Variants in MACROD2 observed in about 807,000 individuals in gnomAD.
MACROD2 encodes mono-ADP ribosylhydrolase 2.
MACROD2 carries 36 observed loss-of-function variants against 70.4 expected under a neutral mutation model. The ratio of observed to expected loss-of-function variants is 0.51; its 90% CI spans 0.39 to 0.68. The LOEUF (loss-of-function observed/expected upper bound fraction) is 0.68, where lower values mean the gene tolerates loss of function less well. Ranked by LOEUF, MACROD2 falls within the 30% of genes least tolerant of loss-of-function variation. The pLI, the probability that MACROD2 is intolerant of heterozygous loss-of-function variation, is 0.00. For missense variants in MACROD2, 496 were observed against 538.4 expected (o/e 0.92, Z 0.78); for synonymous variants, 172 against 178.8 (o/e 0.96, Z 0.30).
intron 3 of MACROD2, among the ~76,000 whole-genome samples, chr20:14,350,855 C>T (rs920860906): frequency 6.6e-6 from 1 of 152,048 alleles, no homozygotes; most frequent in Non-Finnish European, 1.5e-5. Context: ...TGAAGAGTTT[C>T]CCTTATGAGT....
At chr20:14,731,129 A>T (rs1178904857) in intron 5 of MACROD2, among the ~76,000 whole-genome samples, 1 of 152,112 alleles carries the variant, frequency 6.6e-6, no homozygotes, top group Non-Finnish European at 1.5e-5. Flanking sequence ...CAACAAGAAA[A>T]ATGTAAAAAT....
chr20:15,430,797 A>G (rs2046355036), intron 6 of MACROD2, among the ~76,000 whole-genome samples: 1 of 151,976 alleles, frequency 6.6e-6, no homozygotes. Context: ...AATACTCTTT[A>G]TTATACATTC....
At chr20:14,204,457 G>A (rs1051204372) in intron 3 of MACROD2, among the ~76,000 whole-genome samples, 1 of 143,222 alleles carries the variant, frequency 7.0e-6, no homozygotes, top group African/African-American at 2.6e-5. Context: ...AAATGGTGCT[G>A]TACCATAGCT....
intron 2 of MACROD2, among the ~76,000 whole-genome samples, chr20:14,008,150 C>A (rs2263680): frequency 4.6e-5 from 7 of 152,216 alleles, no homozygotes; most frequent in African/African-American, 1.4e-4. Context: ...TGAGGTAAAG[C>A]GTATTCAGCT....
chr20:15,554,435 A>G (rs2146593834), intron 8 of MACROD2, among the ~76,000 whole-genome samples: 1 of 152,290 alleles, frequency 6.6e-6, no homozygotes, highest in East Asian at 1.9e-4. Flanking sequence ...ATAGCCTTGT[A>G]AATCTGAATG....
At chr20:14,722,838 G>A (rs2071485937) in intron 5 of MACROD2, among the ~76,000 whole-genome samples, 1 of 152,168 alleles carries the variant, frequency 6.6e-6, no homozygotes, top group Admixed American at 6.5e-5. Flanking sequence ...CCATCTCTTT[G>A]AGTGATGTCT....
At chr20:14,550,166 G>A (rs894390756) in intron 4 of MACROD2, among the ~76,000 whole-genome samples, 6 of 151,920 alleles carry the variant, frequency 3.9e-5, no homozygotes, top group Admixed American at 2.0e-4. Context: ...CAGGTGATCC[G>A]CCTGCCTCGG....
At chr20:14,422,571 C>T (rs1394304595) in intron 3 of MACROD2, among the ~76,000 whole-genome samples, 2 of 151,280 alleles carry the variant, frequency 1.3e-5, no homozygotes. Flanking sequence ...CGTTTATATT[C>T]TACAGGTATT....
chr20:14,308,358 C>T (rs1022115105), intron 3 of MACROD2, among the ~76,000 whole-genome samples: 13 of 152,176 alleles, frequency 8.5e-5, no homozygotes, highest in African/African-American at 2.9e-4. Flanking sequence ...ATGAATCTTA[C>T]GTAGCTGAAG....
chr20:15,705,219 G>A (rs2050515582), intron 8 of MACROD2, among the ~76,000 whole-genome samples: 1 of 152,066 alleles, frequency 6.6e-6, no homozygotes, highest in African/African-American at 2.4e-5. Context: ...AAATTAACAT[G>A]ATCAAATTAA....
chr20:14,940,676 G>A (rs1186050506), intron 5 of MACROD2, among the ~76,000 whole-genome samples: 2 of 152,046 alleles, frequency 1.3e-5, no homozygotes. Context: ...CCTTGGTGCT[G>A]TTAATGTGAT....
intron 5 of MACROD2, among the ~76,000 whole-genome samples, chr20:14,807,230 G>A (rs576486848): frequency 2.0e-5 from 3 of 152,240 alleles, no homozygotes; most frequent in Admixed American, 6.5e-5. Flanking sequence ...CTGGGACAAA[G>A]CTTCCAGAGG....
intron 15 of MACROD2, among the ~76,000 whole-genome samples, chr20:16,001,991 G>C (rs962303541): frequency 1.3e-5 from 2 of 151,452 alleles, no homozygotes; most frequent in Non-Finnish European, 2.9e-5. Context: ...CTAGTAATTA[G>C]ATAGGATAAA....
chr20:15,650,036 A>G (rs2049620023), intron 8 of MACROD2, among the ~76,000 whole-genome samples: 1 of 152,226 alleles, frequency 6.6e-6, no homozygotes, highest in Admixed American at 6.5e-5. Context: ...AAATGTTAAT[A>G]TTGTAAGACA....
chr20:15,847,472 C>A (rs749585305), intron 8 of MACROD2, among the ~76,000 whole-genome samples: 6 of 152,146 alleles, frequency 3.9e-5, no homozygotes, highest in Admixed American at 6.5e-5. Flanking sequence ...TGCTGAAATG[C>A]AAACCAAGGC....
intron 3 of MACROD2, among the ~76,000 whole-genome samples, chr20:14,415,859 A>G (rs2083798295): frequency 1.3e-5 from 2 of 152,150 alleles, no homozygotes; most frequent in South Asian, 2.1e-4. Context: ...CTCAAAGTCC[A>G]GCTGCAACCC....
At chr20:15,696,903 CTT>C (rs73615578) in intron 8 of MACROD2, among the ~76,000 whole-genome samples, 6,622 of 151,958 alleles carry the variant, frequency 0.044, 279 homozygotes, top group East Asian at 0.21. Context: ...TGTAATATCT[CTT>C]GTTTCATTTG....
chr20:15,741,853 T>C (rs1273929280), intron 8 of MACROD2, among the ~76,000 whole-genome samples: 1 of 152,166 alleles, frequency 6.6e-6, no homozygotes, highest in African/African-American at 2.4e-5. Context: ...AGTAAATACT[T>C]TGAACATAGT....
At chr20:15,768,229 A>G (rs1012201513) in intron 8 of MACROD2, among the ~76,000 whole-genome samples, 20 of 152,078 alleles carry the variant, frequency 1.3e-4, no homozygotes, top group African/African-American at 4.3e-4. Flanking sequence ...ATCATTGCAC[A>G]AACATCATAG....
Sources: allele counts gnomAD v4.1 joint callset (sites outside exome capture counted in the v4.1 genomes callset), GRCh38; gene constraint gnomAD v4.1.1; transcripts MANE v1.5; gene names NCBI Gene and HGNC (gene_info 2026-07-23, HGNC 2026-07-21).